The following PTPRD variants were observed in gnomAD, a reference collection of about 807,000 sequenced individuals.
PTPRD encodes receptor-type tyrosine-protein phosphatase delta.
PTPRD carries 34 observed loss-of-function variants against 214.5 expected under a neutral mutation model. That is an observed-to-expected ratio of 0.16 (90% CI 0.12 to 0.21). The LOEUF (loss-of-function observed/expected upper bound fraction) is 0.21. Ranked by LOEUF, PTPRD falls within the 10% of genes least tolerant of loss-of-function variation. PTPRD has a pLI of 1.00. For missense variants in PTPRD, 2,545 were observed against 2,398.7 expected, an observed-to-expected ratio of 1.06 and a Z score of -1.27; for synonymous variants, 1,128 against 845.7, an observed-to-expected ratio of 1.33 and a Z score of -5.79.
At chr9:9,031,848 A>G (rs928218356) in intron 10 of PTPRD, among the ~76,000 whole-genome samples, 2 of 152,018 alleles carry the variant, frequency 1.3e-5, no homozygotes, top group African/African-American at 4.8e-5. Flanking sequence ...ACGTGCTGGC[A>G]TTTGAGCAAG....
intron 3 of PTPRD, among the ~76,000 whole-genome samples, chr9:10,058,126 C>T (rs1371049154): frequency 6.6e-6 from 1 of 152,078 alleles, no homozygotes; most frequent in Non-Finnish European, 1.5e-5. Context: ...CACCCTTTCT[C>T]TCCTGTGAAG....
chr9:9,577,106 G>C (rs140675056), intron 7 of PTPRD, among the ~76,000 whole-genome samples: 3 of 152,104 alleles, frequency 2.0e-5, no homozygotes, highest in Admixed American at 2.0e-4. Context: ...TTCCAGAAAT[G>C]ATATTCAAAG....
At chr9:10,216,071 T>A (rs2099539659) in intron 3 of PTPRD, among the ~76,000 whole-genome samples, 1 of 152,046 alleles carries the variant, frequency 6.6e-6, no homozygotes, top group Admixed American at 6.6e-5. Context: ...TTAGCATTAT[T>A]GATTTTCCCT....
intron 4 of PTPRD, among the ~76,000 whole-genome samples, chr9:9,946,722 C>G (rs2092613842): frequency 6.6e-6 from 1 of 152,094 alleles, no homozygotes; most frequent in Non-Finnish European, 1.5e-5. Context: ...TACAGAGACC[C>G]TCTAATGTAG....
intron 11 of PTPRD, among the ~76,000 whole-genome samples, chr9:8,774,704 T>C (rs983277676): frequency 3.3e-5 from 5 of 152,034 alleles, no homozygotes; most frequent in African/African-American, 9.6e-5. Context: ...CTGGCTAATT[T>C]TGTATTTTTA....
At chr9:8,550,296 T>C (rs1398655454) in intron 14 of PTPRD, among the ~76,000 whole-genome samples, 1 of 152,148 alleles carries the variant, frequency 6.6e-6, no homozygotes, top group Non-Finnish European at 1.5e-5. Flanking sequence ...AAATTTGAAG[T>C]GTCATGAGTA....
At chr9:10,431,109 C>T (rs2098673317) in intron 2 of PTPRD, among the ~76,000 whole-genome samples, 1 of 151,976 alleles carries the variant, frequency 6.6e-6, no homozygotes, top group South Asian at 2.1e-4. Flanking sequence ...GCTCCATTAA[C>T]ATAAGCCTCT....
intron 5 of PTPRD, among the ~76,000 whole-genome samples, chr9:9,919,954 G>A (rs779732958): frequency 8.6e-5 from 13 of 151,986 alleles, no homozygotes; most frequent in Admixed American, 3.9e-4. Context: ...ACACCTATAC[G>A]CTTTTCTGTT....
rs188262038 is a variant in PTPRD at position 8,774,498 on chromosome 9, C to T, written c.-103-40552G>A. On this transcript the variant is annotated intron_variant, in intron 11 of 45. Coordinates refer to ENST00000381196, the MANE Select transcript of PTPRD (RefSeq NM_002839.4). ...AACATAAATGCAACAATGTTACACA[C>T]GCATAACCAAAATGCATGTGAAAAG... Among the ~76,000 whole-genome samples, 405 of 148,130 alleles carry T rather than the reference C, an allele frequency of 2.7e-3. 3 individuals carry two copies. The highest frequency in any genetic ancestry group is 9.4e-3 in the African/African-American group (369 of 39,298).
intron 4 of PTPRD, among the ~76,000 whole-genome samples, chr9:9,944,311 T>C (rs1364016986): frequency 6.6e-6 from 1 of 152,154 alleles, no homozygotes; most frequent in East Asian, 1.9e-4. Context: ...AGGTATCCAG[T>C]GTGCAGCTGA....
chr9:10,077,307 A>G (rs10511530), intron 3 of PTPRD, among the ~76,000 whole-genome samples: 11,636 of 152,146 alleles, frequency 0.076, 701 homozygotes, highest in African/African-American at 0.16. Flanking sequence ...GAGATTTCAC[A>G]TATTTCCAGT....
chr9:8,343,904 C>G (rs1854970924), intron 39 of PTPRD, among the ~76,000 whole-genome samples: 1 of 152,046 alleles, frequency 6.6e-6, no homozygotes, highest in Non-Finnish European at 1.5e-5. Flanking sequence ...TCAGACCATG[C>G]AAAATCCTAC....
chr9:10,488,152 G>T (rs1365826634), intron 2 of PTPRD, among the ~76,000 whole-genome samples: 2 of 151,942 alleles, frequency 1.3e-5, no homozygotes, highest in Non-Finnish European at 1.5e-5. Flanking sequence ...TGGATCACAA[G>T]GTCAGGAGAT....
At chr9:10,120,222 T>A (rs554368917) in intron 3 of PTPRD, among the ~76,000 whole-genome samples, 5 of 152,186 alleles carry the variant, frequency 3.3e-5, no homozygotes, top group African/African-American at 9.6e-5. Context: ...TTATTTCATA[T>A]AATTTTTCCC....
chr9:9,469,051 T>C (rs10816134), intron 8 of PTPRD, among the ~76,000 whole-genome samples: 11,602 of 152,154 alleles, frequency 0.076, 520 homozygotes, highest in Non-Finnish European at 0.1. Flanking sequence ...TTTGTGGTCA[T>C]AAAGCACTTG....
intron 8 of PTPRD, among the ~76,000 whole-genome samples, chr9:9,520,120 G>A (rs1273269517): frequency 2.0e-5 from 3 of 151,022 alleles, no homozygotes; most frequent in Non-Finnish European, 4.4e-5. Flanking sequence ...AGATGACAAT[G>A]AAGTAAAAGT....
At chr9:10,506,143 T>C (rs1013384138) in intron 2 of PTPRD, among the ~76,000 whole-genome samples, 1 of 152,158 alleles carries the variant, frequency 6.6e-6, no homozygotes, top group African/African-American at 2.4e-5. Flanking sequence ...AGATTCTCTA[T>C]GAATCCAGAA....
intron 2 of PTPRD, among the ~76,000 whole-genome samples, chr9:10,597,996 G>A (rs1446183268): frequency 2.0e-5 from 3 of 151,758 alleles, no homozygotes; most frequent in South Asian, 2.1e-4. Context: ...TGGGTGTGAC[G>A]TAATATATAG....
intron 5 of PTPRD, among the ~76,000 whole-genome samples, chr9:9,809,751 A>T (rs993030672): frequency 6.6e-6 from 1 of 152,218 alleles, no homozygotes; most frequent in South Asian, 2.1e-4. Flanking sequence ...ACTGACATTC[A>T]GAATGTGTCT....
Sources: gnomAD v4.1 joint callset for allele counts (sites outside exome capture counted in the v4.1 genomes callset) on GRCh38, gnomAD v4.1.1 for gene constraint, MANE v1.5 for transcripts, NCBI Gene and HGNC (gene_info 2026-07-23, HGNC 2026-07-21) for gene names.